STK32A: variants seen among roughly 807,000 people sequenced by gnomAD.
STK32A encodes serine/threonine kinase 32A.
A neutral mutation model predicts 53.2 loss-of-function variants in STK32A; 41 were observed. The ratio of observed to expected loss-of-function variants is 0.77; its 90% confidence interval spans 0.60 to 1.00. The LOEUF (loss-of-function observed/expected upper bound fraction) is 1.00, where lower values mean the gene tolerates loss of function less well. Among genes scored for constraint, STK32A ranks in the 50% least tolerant of loss-of-function variants. The probability of loss-of-function intolerance (pLI) is 0.00; values close to 1 mark genes in which losing one functional copy is unlikely to be tolerated. For missense variants in STK32A, 458 were observed against 485.8 expected, an observed-to-expected ratio of 0.94 and a Z score of 0.54; for synonymous variants, 166 against 162.8, an observed-to-expected ratio of 1.02 and a Z score of -0.15.
intron 2 of STK32A, among the ~76,000 whole-genome samples, chr5:147,254,905 A>T: frequency 6.6e-6 from 1 of 152,198 alleles, no homozygotes; most frequent in South Asian, 2.1e-4. Flanking sequence ...TTTGGGAGGC[A>T]GAGGTGGGCG....
chr5:147,381,650 A>T (rs1189960013), intron 11 of STK32A, among the ~76,000 whole-genome samples: 1 of 151,934 alleles, frequency 6.6e-6, no homozygotes, highest in Non-Finnish European at 1.5e-5. Context: ...CAGAAAAAAA[A>T]AAAAAGGAAA....
chr5:147,296,342 C>T (rs1413948712), intron 4 of STK32A, among the ~76,000 whole-genome samples: 1 of 150,992 alleles, frequency 6.6e-6, no homozygotes, highest in Non-Finnish European at 1.5e-5. Flanking sequence ...GATTCAAGCA[C>T]ACGGTTTGAC....
intron 9 of STK32A, among the ~76,000 whole-genome samples, chr5:147,372,263 C>CTTGGCCTT (rs1413032520): frequency 3.9e-5 from 4 of 102,820 alleles, no homozygotes; most frequent in Non-Finnish European, 7.5e-5. Flanking sequence ...GAGGAATGGG[C>CTTGGCCTT]TTGGCCTTTT....
intron 2 of STK32A, chr5:147,240,037 A>G (rs1004193947): frequency 4.7e-6 from 1 of 211,870 alleles, no homozygotes; most frequent in Non-Finnish European, 9.3e-6. Flanking sequence ...TACATTATCA[A>G]CATGTACATG....
At chr5:147,370,827 C>T (rs2152003380) in intron 9 of STK32A, 57 bp downstream of exon 9, 2 of 1,166,220 alleles carry the variant, frequency 1.7e-6, no homozygotes, top group Admixed American at 1.7e-5. Context: ...GGCTCTCTGG[C>T]TTAAGTTTAG....
intron 6 of STK32A, among the ~76,000 whole-genome samples, chr5:147,350,382 G>T (rs566225414): frequency 9.7e-4 from 138 of 142,568 alleles, no homozygotes; most frequent in African/African-American, 3.3e-3. Context: ...TTTTTTTTTT[G>T]AGATAGTCTC....
At chr5:147,350,173 G>A (rs866484826) in intron 6 of STK32A, among the ~76,000 whole-genome samples, 11 of 63,802 alleles carry the variant, frequency 1.7e-4, no homozygotes, top group East Asian at 7.8e-4. Context: ...CCCACCCACC[G>A]CCCCCCGCTA....
chr5:147,291,271 T>G (rs1302338345), intron 4 of STK32A, among the ~76,000 whole-genome samples: 5 of 152,172 alleles, frequency 3.3e-5, no homozygotes, highest in Admixed American at 3.3e-4. Flanking sequence ...AACTTAGTCC[T>G]GCATTGCTAG....
intron 4 of STK32A, 138 bp downstream of exon 4, chr5:147,279,536 T>A: frequency 1.3e-6 from 1 of 747,792 alleles, no homozygotes. Context: ...AGTTCAAGGA[T>A]GAGTTGGAAA....
chr5:147,362,768 C>A (rs948099344), intron 8 of STK32A, among the ~76,000 whole-genome samples: 1 of 152,162 alleles, frequency 6.6e-6, no homozygotes, highest in African/African-American at 2.4e-5. Context: ...GGCAAAATTT[C>A]TCCTCAGCTA....
At chr5:147,272,047 G>A (rs1245078289) in intron 2 of STK32A, among the ~76,000 whole-genome samples, 1 of 152,124 alleles carries the variant, frequency 6.6e-6, no homozygotes, top group African/African-American at 2.4e-5. Context: ...GACATGTGAT[G>A]TCTCCCCCGG....
intron 4 of STK32A, among the ~76,000 whole-genome samples, chr5:147,307,666 C>T (rs1011869092): frequency 6.0e-5 from 9 of 150,220 alleles, no homozygotes; most frequent in Admixed American, 6.0e-4. Context: ...CCTATGCCAA[C>T]GTGGAGCTAT....
chr5:147,278,310 A>T, intron 3 of STK32A, 131 bp downstream of exon 3: 2 of 777,084 alleles, frequency 2.6e-6, no homozygotes, highest in Non-Finnish European at 4.1e-6. Context: ...TGTTTTTGTA[A>T]TGGATTTTTA....
chr5:147,359,608 C>T (rs72833306), intron 7 of STK32A, among the ~76,000 whole-genome samples: 31,202 of 152,024 alleles, frequency 0.21, 3,792 homozygotes, highest in East Asian at 0.33. Flanking sequence ...TGTCTGTCAC[C>T]CATCACCTGG....
intron 4 of STK32A, among the ~76,000 whole-genome samples, chr5:147,308,447 G>A (rs1315063342): frequency 2.0e-5 from 3 of 151,986 alleles, no homozygotes; most frequent in Non-Finnish European, 4.4e-5. Context: ...TGTCCCATAG[G>A]TTTTCTTGGA....
intron 4 of STK32A, among the ~76,000 whole-genome samples, chr5:147,303,759 G>C (rs552926597): frequency 6.6e-6 from 1 of 152,272 alleles, no homozygotes; most frequent in African/African-American, 2.4e-5. Context: ...GCTCTGAAAG[G>C]GTTCAAGGAA....
chr5:147,361,465 T>C, intron 7 of STK32A, 52 bp from the exon 8 acceptor site: 11 of 1,191,698 alleles, frequency 9.2e-6, no homozygotes, highest in South Asian at 7.7e-5. Flanking sequence ...TGAGAAAATA[T>C]AATACTAATG....
chr5:147,345,612 C>T lies in STK32A; in HGVS notation c.472+2569C>T, dbSNP rs138212035. 6.9e-4 allele frequency among the ~76,000 whole-genome samples: 105 copies of T among 152,144 alleles called. 1 individual carries two copies. Among genetic ancestry groups the T allele is most frequent in the African/African-American group, 2.5e-3 (103 of 41,512 alleles). ...CTTGTGTTTAAACCATTTTGTTTAT[C>T]CCTTCATCCTCAGGTAACTACACTT... On this transcript the variant is annotated intron_variant, in intron 6 of 12. Transcript: ENST00000397936.
chr5:147,350,948 G>A, intron 6 of STK32A, 117 bp from the exon 7 acceptor site: 11 of 770,732 alleles, frequency 1.4e-5, no homozygotes, highest in Non-Finnish European at 2.5e-5. Flanking sequence ...CTTGAGGATG[G>A]ACTGCAACTG....
Sources: allele counts gnomAD v4.1 joint callset (sites outside exome capture counted in the v4.1 genomes callset), GRCh38; gene constraint gnomAD v4.1.1; transcripts MANE v1.5; gene names NCBI Gene and HGNC (gene_info 2026-07-23, HGNC 2026-07-21).